MCPH1: variants seen among roughly 807,000 people sequenced by gnomAD.
MCPH1 encodes the protein microcephalin 1.
In MCPH1, 104 loss-of-function variants were observed where a neutral mutation model predicts 84.5. The observed-to-expected ratio is 1.23, with a 90% CI of 1.05 to 1.45. The LOEUF (loss-of-function observed/expected upper bound fraction) is 1.45, where lower values mean the gene tolerates loss of function less well. Ranked by LOEUF, MCPH1 falls within the 40% of genes most tolerant of loss-of-function variation. The probability of loss-of-function intolerance (pLI) is 0.00; values close to 1 mark genes in which losing one functional copy is unlikely to be tolerated. For synonymous variants in MCPH1, 514 were observed against 366.8 expected (o/e 1.40, Z -4.58); for missense variants, 1,498 against 1,005.7 (o/e 1.49, Z -6.62).
chr8:6,537,377 A>T (rs1820696132), intron 12 of MCPH1, among the ~76,000 whole-genome samples: 1 of 151,984 alleles, frequency 6.6e-6, no homozygotes, highest in South Asian at 2.1e-4. Flanking sequence ...CTCAGAACTC[A>T]AGTGAGTTAT....
At chr8:6,460,342 C>T (rs1806142035) in intron 9 of MCPH1, among the ~76,000 whole-genome samples, 1 of 151,944 alleles carries the variant, frequency 6.6e-6, no homozygotes, top group Admixed American at 6.6e-5. Flanking sequence ...TGAGTTTTAA[C>T]ATGTATTATT....
At chr8:6,416,983 G>C (rs1480216509) in intron 3 of MCPH1, among the ~76,000 whole-genome samples, 11 of 150,270 alleles carry the variant, frequency 7.3e-5, no homozygotes, top group Admixed American at 5.9e-4. Flanking sequence ...GACAAGAGCG[G>C]GGAAAAAAAA....
intron 11 of MCPH1, among the ~76,000 whole-genome samples, chr8:6,485,910 C>G (rs573369608): frequency 6.6e-6 from 1 of 152,296 alleles, no homozygotes; most frequent in African/African-American, 2.4e-5. Flanking sequence ...TTGATGTTCA[C>G]AGGTTGCTCC....
intron 12 of MCPH1, among the ~76,000 whole-genome samples, chr8:6,554,207 G>A (rs1824174815): frequency 6.6e-6 from 1 of 151,006 alleles, no homozygotes; most frequent in African/African-American, 2.4e-5. Flanking sequence ...GTCATCAAGA[G>A]TGTTAACATG....
intron 12 of MCPH1, among the ~76,000 whole-genome samples, chr8:6,544,118 A>C (rs190852400): frequency 7.0e-4 from 106 of 152,336 alleles, no homozygotes; most frequent in Middle Eastern, 3.4e-3. Context: ...TTGTTTTCCA[A>C]ACATAACTTT....
At chr8:6,499,457 A>G (rs1563292138) in intron 11 of MCPH1, among the ~76,000 whole-genome samples, 2 of 152,226 alleles carry the variant, frequency 1.3e-5, no homozygotes, top group Admixed American at 6.5e-5. Context: ...CTTGTGATCC[A>G]TCTTCTTTTA....
intron 11 of MCPH1, among the ~76,000 whole-genome samples, chr8:6,492,888 T>C (rs941888324): frequency 2.6e-5 from 4 of 152,146 alleles, no homozygotes; most frequent in Admixed American, 6.5e-5. Flanking sequence ...CGCTTTGCCA[T>C]GTAAATACTA....
chr8:6,547,344 C>T (rs890479796), intron 12 of MCPH1, among the ~76,000 whole-genome samples: 2 of 151,884 alleles, frequency 1.3e-5, no homozygotes, highest in Non-Finnish European at 2.9e-5. Context: ...TCTGGAGGTC[C>T]GCCCCCTCTC....
At chr8:6,448,898 A>G (rs1344593606) in intron 8 of MCPH1, among the ~76,000 whole-genome samples, 1 of 152,210 alleles carries the variant, frequency 6.6e-6, no homozygotes, top group African/African-American at 2.4e-5. Context: ...TGATTACATA[A>G]TGAGAAAAAG....
rs192150620 is a variant in MCPH1, at chr8:6,470,354, G to A, written c.1936-7240G>A. ...GCTGGAGTGCAGTGGCGCGATCTCC[G>A]CTCACTGCAACTTCCGTCTCCCGGG... On this transcript the variant is annotated intron_variant, in intron 9 of 13. Coordinates refer to ENST00000344683, the MANE Select transcript of MCPH1 (RefSeq NM_024596.5). Among the ~76,000 whole-genome samples the A allele has an allele frequency of 3.2e-3, 481 of 152,072 alleles. 7 individuals are homozygous for A. Among genetic ancestry groups the A allele is most frequent in the African/African-American group, 0.011 (447 of 41,468 alleles).
chr8:6,591,188 C>T (rs1237880752), intron 12 of MCPH1, among the ~76,000 whole-genome samples: 2 of 152,246 alleles, frequency 1.3e-5, no homozygotes, highest in Non-Finnish European at 2.9e-5. Flanking sequence ...TGAGCCACCA[C>T]GACCGGCCAA....
chr8:6,504,102 A>C (rs969141998), intron 12 of MCPH1, among the ~76,000 whole-genome samples: 1 of 152,122 alleles, frequency 6.6e-6, no homozygotes, highest in African/African-American at 2.4e-5. Flanking sequence ...GTGGATCACG[A>C]GATCAGGAGA....
At chr8:6,550,762 C>T (rs1013659089) in intron 12 of MCPH1, among the ~76,000 whole-genome samples, 7 of 152,208 alleles carry the variant, frequency 4.6e-5, no homozygotes, top group African/African-American at 1.7e-4. Context: ...TCTGATACCT[C>T]TCAGAGCTGG....
chr8:6,502,421 G>C (rs1292634721), intron 12 of MCPH1: 1 of 152,110 alleles, frequency 6.6e-6, no homozygotes, highest in Non-Finnish European at 1.5e-5. Flanking sequence ...AGAGATTCTG[G>C]AAGTTTCTAC....
intron 13 of MCPH1, among the ~76,000 whole-genome samples, chr8:6,633,605 C>T (rs1797322217): frequency 6.6e-6 from 1 of 151,994 alleles, no homozygotes; most frequent in Non-Finnish European, 1.5e-5. Flanking sequence ...TTTAGCGTCC[C>T]CAAGGGAAAA....
At position 6,445,375 on chromosome 8, in the gene MCPH1, A is replaced by G. The variant is rs755824272; in HGVS notation, c.1653A>G (p.Glu551=). The G allele has an allele frequency of 1.9e-6, 3 of 1,614,258 alleles. No individual in the cohort carries two copies. Among genetic ancestry groups the G allele is most frequent in the Non-Finnish European group, 1.7e-6 (2 of 1,180,048 alleles). The change falls in exon 8 of 14, where the codon GAA becomes GAG. Residue 551 remains glutamate (E), a synonymous_variant. Coordinates refer to ENST00000344683, the MANE Select transcript of MCPH1 (RefSeq NM_024596.5). ...DLTPLEGSLE[E]MKEAVGLKST... ...CTCCTTTGGAAGGAAGCCTTGAAGA[A>G]ATGAAAGAAGCGGTTGGTCTGAAAA...
intron 13 of MCPH1, among the ~76,000 whole-genome samples, chr8:6,639,688 A>C (rs1797799867): frequency 6.6e-6 from 1 of 152,022 alleles, no homozygotes; most frequent in African/African-American, 2.4e-5. Context: ...AAACATATTT[A>C]CATAGAAATA....
chr8:6,489,972 T>C (rs1810381373), intron 11 of MCPH1, among the ~76,000 whole-genome samples: 1 of 152,238 alleles, frequency 6.6e-6, no homozygotes, highest in Non-Finnish European at 1.5e-5. Flanking sequence ...CCCATCCTTT[T>C]CCAAATCATG....
At position 6,448,185 on chromosome 8, in the gene MCPH1, T is replaced by C. The variant is rs544156734; in HGVS notation, c.1825+2638T>C. On this transcript the variant is annotated intron_variant, in intron 8 of 13. Coordinates refer to ENST00000344683, the MANE Select transcript of MCPH1 (RefSeq NM_024596.5). ...TGATAAAAAGAAAAACAATACTGCA[T>C]TGGATAGATAAGGTGACCAACGAAG... Among the ~76,000 whole-genome samples the C allele has an allele frequency of 9.2e-5, 14 of 152,246 alleles. No homozygotes were observed. The South Asian group carries it at 2.5e-3, about 27-fold the overall frequency.
Sources: allele counts gnomAD v4.1 joint callset (sites outside exome capture counted in the v4.1 genomes callset), GRCh38; gene constraint gnomAD v4.1.1; transcripts MANE v1.5; gene names NCBI Gene and HGNC (gene_info 2026-07-23, HGNC 2026-07-21).